Variants in GABRA5 observed in about 807,000 individuals in gnomAD.
GABRA5 encodes gamma-aminobutyric acid receptor subunit alpha-5.
Under a neutral mutation model 47.3 loss-of-function variants are expected in GABRA5, and 18 were observed. That is an observed-to-expected ratio of 0.38 (90% CI 0.26 to 0.56). The LOEUF is 0.56. Among genes scored for constraint, GABRA5 ranks in the 20% least tolerant of loss-of-function variants. The pLI is 0.71. For missense variants in GABRA5, 365 were observed against 599.3 expected (o/e 0.61, Z 4.08); for synonymous variants, 237 against 229.3 (o/e 1.03, Z -0.30).
intron 7 of GABRA5, among the ~76,000 whole-genome samples, chr15:26,925,970 ATGTACATC>A (rs1363070979): frequency 6.6e-6 from 1 of 152,144 alleles, no homozygotes; most frequent in Non-Finnish European, 1.5e-5. Flanking sequence ...GGGAGAGATG[ATGTACATC>A]TGTATACATC....
At chr15:26,886,857 T>C (rs1892892485) in intron 6 of GABRA5, among the ~76,000 whole-genome samples, 1 of 152,204 alleles carries the variant, frequency 6.6e-6, no homozygotes, top group Non-Finnish European at 1.5e-5. Flanking sequence ...ATTTGGAAAG[T>C]GGAAATAGTT....
intron 6 of GABRA5, among the ~76,000 whole-genome samples, chr15:26,908,567 G>A (rs1893502024): frequency 6.6e-6 from 1 of 152,144 alleles, no homozygotes; most frequent in South Asian, 2.1e-4. Context: ...GTTAAGCATT[G>A]GTGTGTTTTT....
At position 26,869,272 on chromosome 15, in the gene GABRA5, T is replaced by G. The variant is rs772367221; in HGVS notation, c.24T>G (p.Gly8=). 6.2e-7 allele frequency: 1 copy of G among 1,606,710 alleles called. No homozygotes were observed. The highest frequency in any genetic ancestry group is 8.5e-7 in the Non-Finnish European group (1 of 1,173,288). ...GAATGGACAATGGAATGTTCTCTGGTTTTATCATGATCAAAAACCTCCTTC... is the reference window on the plus strand; with the variant it reads ...GAATGGACAATGGAATGTTCTCTGGGTTTATCATGATCAAAAACCTCCTTC... MDNGMFS[G]FIMIKNLLLF... is the part of the protein sequence containing the mutation. Residue 8 remains glycine, a synonymous_variant, in exon 3 of 11, where the codon GGT becomes GGG. Transcript: ENST00000335625.
intron 6 of GABRA5, among the ~76,000 whole-genome samples, chr15:26,894,784 C>T (rs969707948): frequency 2.0e-5 from 3 of 152,124 alleles, no homozygotes; most frequent in Non-Finnish European, 4.4e-5. Flanking sequence ...TCTGAAGTCC[C>T]GCGGATCCAT....
intron 10 of GABRA5, among the ~76,000 whole-genome samples, chr15:26,945,929 T>A (rs1894499799): frequency 6.6e-6 from 1 of 152,054 alleles, no homozygotes; most frequent in Non-Finnish European, 1.5e-5. Flanking sequence ...ATAGAACCAT[T>A]CTAAGCAGTA....
chr15:26,920,546 T>A (rs1778987058), intron 7 of GABRA5, among the ~76,000 whole-genome samples: 2 of 152,330 alleles, frequency 1.3e-5, no homozygotes, highest in African/African-American at 4.8e-5. Context: ...TATTTTGAAT[T>A]CTCTGTCAGA....
rs74006538 is a variant in GABRA5, at chr15:26,948,035, G to A, written c.1191G>A (p.Thr397=). Residue 397 remains threonine, a synonymous_variant, in exon 11 of 11, where the codon ACG becomes ACA. Coordinates refer to ENST00000335625, the MANE Select transcript of GABRA5 (RefSeq NM_000810.4). ...NIPKEQTPAG[T]SNTTSVSVKP... is the part of the protein sequence containing the mutation. ...CGAAGGAACAGACCCCAGCAGGGAC[G>A]TCGAATACAACCTCAGTCTCAGTAA... The A allele has an allele frequency of 3.6e-3, 5,736 of 1,606,308 alleles. 202 individuals are homozygous for A. In the African/African-American group the frequency reaches 0.065, roughly 18 times the overall value.
intron 6 of GABRA5, among the ~76,000 whole-genome samples, chr15:26,886,283 G>A (rs1216680582): frequency 6.6e-6 from 1 of 152,098 alleles, no homozygotes; most frequent in East Asian, 1.9e-4. Flanking sequence ...GCCTCCCAAA[G>A]TGCTGGGATT....
At chr15:26,930,003 C>CTTTTTTTT (rs1203493810) in intron 7 of GABRA5, among the ~76,000 whole-genome samples, 3 of 114,960 alleles carry the variant, frequency 2.6e-5, no homozygotes, top group East Asian at 3.1e-4. Context: ...TCTTCTTCTT[C>CTTTTTTTT]TTCTTTTTTT....
chr15:26,929,997 CTTCTTCTTCT>C (rs1264847553), intron 7 of GABRA5, among the ~76,000 whole-genome samples: 3 of 124,938 alleles, frequency 2.4e-5, no homozygotes, highest in African/African-American at 6.3e-5. Context: ...TCTTCTTCTT[CTTCTTCTTCT>C]TTTTTTTTTT....
intron 7 of GABRA5, among the ~76,000 whole-genome samples, chr15:26,917,655 T>C (rs1893750185): frequency 6.6e-6 from 1 of 152,118 alleles, no homozygotes; most frequent in Admixed American, 6.5e-5. Context: ...CTTCCTTAAA[T>C]GTTTGGTAGA....
At chr15:26,927,270 A>ATTTTTTTT (rs11400477) in intron 7 of GABRA5, among the ~76,000 whole-genome samples, 1 of 142,222 alleles carries the variant, frequency 7.0e-6, no homozygotes, top group Non-Finnish European at 1.5e-5. Context: ...TGTCCAGCTA[A>ATTTTTTTT]TTTTTTTTTT....
At chr15:26,894,284 G>A (rs539643481) in intron 6 of GABRA5, among the ~76,000 whole-genome samples, 1 of 152,284 alleles carries the variant, frequency 6.6e-6, no homozygotes, top group East Asian at 1.9e-4. Flanking sequence ...GGCCAGGCTA[G>A]CAACGCAAAC....
chr15:26,938,272 G>T (rs1279788345), intron 8 of GABRA5, among the ~76,000 whole-genome samples: 1 of 152,194 alleles, frequency 6.6e-6, no homozygotes, highest in Non-Finnish European at 1.5e-5. Context: ...TTCACCATTT[G>T]GTTACCATGC....
intron 6 of GABRA5, among the ~76,000 whole-genome samples, chr15:26,909,821 A>G (rs1893536500): frequency 6.6e-6 from 1 of 152,218 alleles, no homozygotes; most frequent in Admixed American, 6.5e-5. Flanking sequence ...TAGCATACTC[A>G]CAGGTTTGGG....
chr15:26,886,566 G>A (rs1388889296), intron 6 of GABRA5, among the ~76,000 whole-genome samples: 1 of 152,170 alleles, frequency 6.6e-6, no homozygotes, highest in Non-Finnish European at 1.5e-5. Flanking sequence ...GGGGTGTTTG[G>A]TAACCAGCCC....
intron 6 of GABRA5, among the ~76,000 whole-genome samples, chr15:26,887,774 C>T (rs967790614): frequency 2.0e-5 from 3 of 152,000 alleles, no homozygotes; most frequent in African/African-American, 7.2e-5. Context: ...TTTAAATTCC[C>T]TTTTATTTTT....
intron 3 of GABRA5, among the ~76,000 whole-genome samples, chr15:26,872,974 G>A (rs1892509038): frequency 6.6e-6 from 1 of 152,166 alleles, no homozygotes; most frequent in African/African-American, 2.4e-5. Context: ...GGAGTCACCA[G>A]CAGCTCATTT....
intron 7 of GABRA5, among the ~76,000 whole-genome samples, chr15:26,925,001 A>G (rs535283678): frequency 7.2e-5 from 11 of 152,166 alleles, no homozygotes; most frequent in Middle Eastern, 6.8e-3. Flanking sequence ...TATGTATAAT[A>G]TGCACTTTTA....
Sources: gnomAD v4.1 joint callset for allele counts (sites outside exome capture counted in the v4.1 genomes callset) on GRCh38, gnomAD v4.1.1 for gene constraint, MANE v1.5 for transcripts, NCBI Gene and HGNC (gene_info 2026-07-23, HGNC 2026-07-21) for gene names.